RARG: variants seen among roughly 807,000 people sequenced by gnomAD.
RARG encodes the protein retinoic acid receptor gamma.
Under a neutral mutation model 43.7 loss-of-function variants are expected in RARG, and 17 were observed. The ratio of observed to expected loss-of-function variants is 0.39; its 90% CI spans 0.27 to 0.58. RARG has a LOEUF of 0.58. RARG is among the 20% of genes least tolerant of loss of function. RARG has a pLI of 0.57. For missense variants in RARG, 346 were observed against 598.7 expected (o/e 0.58, Z 4.40); for synonymous variants, 238 against 236.4 (o/e 1.01, Z -0.06).
Position 53,214,049 on chromosome 12 carries a change from C to G in RARG, c.813+10G>C. 1 of 1,600,410 alleles carries G rather than the reference C, an allele frequency of 6.2e-7. No individual in the cohort carries two copies. Among genetic ancestry groups the G allele is most frequent in the South Asian group, 1.1e-5 (1 of 88,972 alleles). ...TCGGGCTGTGGCAGGACCCACAGGG[C>G]CTAACTTACCAGGATATCTAGGCAG... On this transcript the variant is annotated intron_variant, in intron 7 of 9. Coordinates refer to ENST00000425354, the MANE Select transcript of RARG (RefSeq NM_000966.6).
chr12:53,218,993 G>T (rs1942864656), intron 3 of RARG, among the ~76,000 whole-genome samples: 1 of 152,246 alleles, frequency 6.6e-6, no homozygotes, highest in Non-Finnish European at 1.5e-5. Flanking sequence ...CTCTCATCTG[G>T]ACTTCATTTT....
At position 53,211,642 on chromosome 12, in the gene RARG, C is replaced by A; in HGVS notation, c.*34G>T. 1 of 1,417,146 alleles carries A rather than the reference C, an allele frequency of 7.1e-7. No individual in the cohort carries two copies. Among genetic ancestry groups the A allele is most frequent in the Non-Finnish European group, 9.2e-7 (1 of 1,083,204 alleles). The allele number at this position is 1,417,146 out of a possible 1,614,324, so 87.8% of individuals were successfully genotyped here. ...GATGGTCAGTCTGCTGCCTGAAGCC[C>A]CAACCCCCACAGCGGGGAGGTCAGG... is the stretch of plus-strand genomic sequence containing the variant. On this transcript the variant is annotated 3_prime_UTR_variant, in exon 10 of 10. Transcript: ENST00000425354. This position sits in a 1 kb window ranked among gnomAD's most constrained non-coding sequence, Gnocchi z 4.6.
At position 53,211,695 on chromosome 12, in the gene RARG, C is replaced by A; in HGVS notation, c.1346G>T (p.Gly449Val). Residue 449 changes from glycine to valine, a missense_variant, in exon 10 of 10, where the codon GGC (glycine) becomes GTC (valine). By Grantham distance (109) the Gly-to-Val change is moderately radical. This residue lies in a region of RARG where 40 missense variants were observed against 44.6 expected (regional missense o/e 0.90). Transcript: ENST00000425354. This position sits in a 1 kb window ranked among gnomAD's most constrained non-coding sequence, Gnocchi z 4.6. The stretch of plus-strand genomic sequence containing the variant: ...CCCTGGTCAGGCTGGGGACTTCAGG[C>A]CCCCTTTGCCCTGGCCCCCAGGAAC... ...DEVPGGQGKG[G>V]LKSPA The A allele has an allele frequency of 1.3e-6, 2 of 1,537,582 alleles. No individual in the cohort carries two copies. Among genetic ancestry groups the A allele is most frequent in the Non-Finnish European group, 8.7e-7 (1 of 1,144,070 alleles).
In RARG at chr12:53,215,503, T is replaced by A; in HGVS notation, c.334-69A>T. ...GGGAGTACCAGCCTCTCACTGGCCT[T>A]GCAGGTTGCCCCAAGCCTGACCTAA... On this transcript the variant is annotated intron_variant, in intron 4 of 9. Coordinates refer to ENST00000425354, the MANE Select transcript of RARG (RefSeq NM_000966.6). The surrounding 1 kb of genome is among the most constrained non-coding windows in gnomAD (Gnocchi z 6.4). 1 of 1,604,662 alleles carries A rather than the reference T, an allele frequency of 6.2e-7. No individual in the cohort carries two copies. The highest frequency in any genetic ancestry group is 1.3e-5 in the African/African-American group (1 of 74,798).
At chr12:53,231,849 C>CGGCCAGCCT (rs1943242334) in intron 1 of RARG, 125 bp downstream of exon 1, 5 of 384,812 alleles carry the variant, frequency 1.3e-5, no homozygotes, top group African/African-American at 2.1e-5. Flanking sequence ...TCAAGCCCGG[C>CGGCCAGCCT]GGCCAGCCTG....
At chr12:53,216,866 G>C (rs1942786928) in intron 3 of RARG, among the ~76,000 whole-genome samples, 1 of 151,266 alleles carries the variant, frequency 6.6e-6, no homozygotes, top group African/African-American at 2.4e-5. Flanking sequence ...GCGCGCGTGT[G>C]GTTGGTCTTC....
In RARG at chr12:53,213,177, C is replaced by CT; in HGVS notation, c.1084dup (p.Arg362LysfsTer31). ...GGGCCGCCGGCGCCGGGCGTACAGC[C>CT]TCAGGGCTTCCAGCAGTGGCTCCTG... On this transcript the variant is annotated frameshift_variant, in exon 9 of 10. Transcript: ENST00000425354. LOFTEE classifies it high-confidence loss of function. This position sits in a 1 kb window ranked among gnomAD's most constrained non-coding sequence, Gnocchi z 4.7. 1 of 1,611,120 alleles carries CT rather than the reference C, an allele frequency of 6.2e-7. No homozygotes were observed. The highest frequency in any genetic ancestry group is 1.1e-5 in the South Asian group (1 of 91,002).
intron 3 of RARG, among the ~76,000 whole-genome samples, chr12:53,226,630 T>C (rs190345293): frequency 6.8e-5 from 10 of 146,202 alleles, no homozygotes; most frequent in African/African-American, 1.3e-4. Context: ...TTTTTTTTTT[T>C]AGACAGATTC....
chr12:53,220,945 C>T (rs767964425), intron 3 of RARG, among the ~76,000 whole-genome samples: 22 of 151,920 alleles, frequency 1.4e-4, no homozygotes, highest in Non-Finnish European at 2.4e-4. Flanking sequence ...CCTCCGCGCG[C>T]CCGCTTCAGG....
chr12:53,213,436 G>T lies in RARG; in HGVS notation c.1018+60C>A. On this transcript the variant is annotated intron_variant, in intron 8 of 9. Coordinates refer to ENST00000425354, the MANE Select transcript of RARG (RefSeq NM_000966.6). The surrounding 1 kb of genome is among the most constrained non-coding windows in gnomAD (Gnocchi z 4.7). ...CCACGCCCCCTCCCAGACAGATTCC[G>T]CATGGAGTGGTGGGAAAGGAGACTG... The T allele has an allele frequency of 6.4e-7, 1 of 1,569,834 alleles. No homozygotes were observed. Among genetic ancestry groups the T allele is most frequent in the South Asian group, 1.1e-5 (1 of 89,798 alleles).
At chr12:53,223,310 G>GCC (rs1943022850) in intron 3 of RARG, among the ~76,000 whole-genome samples, 1 of 140,970 alleles carries the variant, frequency 7.1e-6, no homozygotes, top group African/African-American at 2.7e-5. Context: ...GGTAAGTCCT[G>GCC]AGGTAGGAGT....
At position 53,211,528 on chromosome 12, in the gene RARG, C is replaced by T. The variant is rs1942586812; in HGVS notation, c.*148G>A. 1.4e-6 allele frequency: 1 copy of T among 718,578 alleles called. No homozygotes were observed. The highest frequency in any genetic ancestry group is 3.4e-5 in the East Asian group (1 of 29,770). 44.5% of individuals were successfully genotyped at this position (718,578 alleles called of 1,614,324 possible). On this transcript the variant is annotated 3_prime_UTR_variant, in exon 10 of 10. Coordinates refer to ENST00000425354, the MANE Select transcript of RARG (RefSeq NM_000966.6). This position sits in a 1 kb window ranked among gnomAD's most constrained non-coding sequence, Gnocchi z 4.6. Reference sequence around the variant, plus strand: ...GGAAGGGGATGAACACAGAGGCACCCCTAGAAACTTTGGCAAAAACAAGGA... The same window carrying T: ...GGAAGGGGATGAACACAGAGGCACCTCTAGAAACTTTGGCAAAAACAAGGA...
intron 6 of RARG, 86 bp from the exon 7 acceptor site, chr12:53,214,321 TCTC>T (rs1285587915): frequency 1.7e-5 from 26 of 1,539,230 alleles, no homozygotes; most frequent in Non-Finnish European, 2.3e-5. Context: ...TCCCAAGCTC[TCTC>T]CTCTGCATTC....
At chr12:53,212,992 CTACTCTGTTCTT>C in intron 9 of RARG, 81 bp downstream of exon 9, 1 of 1,389,864 alleles carries the variant, frequency 7.2e-7, no homozygotes, top group Non-Finnish European at 9.7e-7. Flanking sequence ...TGGTTCTCAA[CTACTCTGTTCTT>C]GTCTCTGTGT....
chr12:53,219,867 T>C, intron 3 of RARG: 1 of 1,296,136 alleles, frequency 7.7e-7, no homozygotes, highest in Non-Finnish European at 1.0e-6. Flanking sequence ...TCCTTGCACC[T>C]CAGTTCCACT....
At chr12:53,216,709 C>T (rs1942769872) in intron 3 of RARG, among the ~76,000 whole-genome samples, 1 of 152,122 alleles carries the variant, frequency 6.6e-6, no homozygotes, top group Admixed American at 6.5e-5. Flanking sequence ...TTTCTGGACC[C>T]TCTCTGAGCT....
chr12:53,219,962 C>A, intron 3 of RARG: 1 of 1,513,750 alleles, frequency 6.6e-7, no homozygotes. Flanking sequence ...TGCAGGCTGG[C>A]GGGTTGCGGC....
rs1268016713 is a variant in RARG, at chr12:53,215,718, G to A, written c.261C>T (p.Tyr87=). 2 of 1,613,596 alleles carry A rather than the reference G, an allele frequency of 1.2e-6. No homozygotes were observed. The highest frequency in any genetic ancestry group is 1.7e-6 in the Non-Finnish European group (2 of 1,179,926). The change falls in exon 4 of 10, where the codon TAC becomes TAT. Residue 87 remains tyrosine, a synonymous_variant. Coordinates refer to ENST00000425354, the MANE Select transcript of RARG (RefSeq NM_000966.6). The surrounding 1 kb of genome is among the most constrained non-coding windows in gnomAD (Gnocchi z 6.4). Reference sequence around the variant, plus strand: ...TGTCATTGCACACGAAGCATGGCTTGTAGACCCGAGGAGGCGGAGGGGGCG... The same window carrying A: ...TGTCATTGCACACGAAGCATGGCTTATAGACCCGAGGAGGCGGAGGGGGCG... The part of the protein sequence containing the change: ...SPSPPPPPRV[Y]KPCFVCNDKS...
chr12:53,231,833 C>A (rs1035757574), intron 1 of RARG, 141 bp downstream of exon 1: 4 of 380,898 alleles, frequency 1.1e-5, no homozygotes, highest in Non-Finnish European at 1.9e-5. Context: ...GGGCAAGAAG[C>A]CCCCCTCAAG....
Sources: allele counts gnomAD v4.1 joint callset (sites outside exome capture counted in the v4.1 genomes callset), GRCh38; gene constraint gnomAD v4.1.1; regional missense constraint gnomAD v4.1.1; non-coding constraint Gnocchi (gnomAD v3.1); transcripts MANE v1.5; gene names NCBI Gene and HGNC (gene_info 2026-07-23, HGNC 2026-07-21).